Variants in ZNF385A observed in about 807,000 individuals in gnomAD.
ZNF385A encodes zinc finger protein 385A, also known as hematopoietic zinc finger protein.
In ZNF385A, 14 loss-of-function variants were observed where a neutral mutation model predicts 32.1. That is an observed-to-expected ratio of 0.44 (90% CI 0.29 to 0.68). ZNF385A has a LOEUF of 0.68. Among genes scored for constraint, ZNF385A ranks in the 30% least tolerant of loss-of-function variants. The pLI, the probability that ZNF385A is intolerant of heterozygous loss-of-function variation, is 0.14. For synonymous variants in ZNF385A, 197 were observed against 202.7 expected (o/e 0.97, Z 0.24); for missense variants, 406 against 478.4 (o/e 0.85, Z 1.41).
chr12:54,372,189 TAGAAACATCAGAACCGGAGAGGGA>T (rs541160401), intron 3 of ZNF385A, among the ~76,000 whole-genome samples: 13 of 152,198 alleles, frequency 8.5e-5, no homozygotes, highest in African/African-American at 3.1e-4. Flanking sequence ...AAAAGGGAAA[TAGAAACATCAGAACCGGAGAGGGA>T]AGAAACAGGG....
chr12:54,370,416 A>C lies in ZNF385A; in HGVS notation c.941T>G (p.Val314Gly). The part of the protein sequence containing the change: ...AGGLLPSPLA[V>G]AAVMAAAAGS... ...TGCTGCCGCTGCCATCACTGCAGCC[A>C]CCGCCAGGGGGCTGGGGAGCAGGCC... The change falls in exon 7 of 7, where the codon GTG becomes GGG. Residue 314 changes from valine to glycine, a missense_variant. Physicochemically the swap from Val to Gly is moderately radical, Grantham distance 109. Coordinates refer to ENST00000394313, the MANE Select transcript of ZNF385A (RefSeq NM_015481.3). This position sits in a 1 kb window ranked among gnomAD's most constrained non-coding sequence, Gnocchi z 5.5. 3 of 1,545,060 alleles carry C rather than the reference A, an allele frequency of 1.9e-6. No individual in the cohort carries two copies. The highest frequency in any genetic ancestry group is 2.6e-6 in the Non-Finnish European group (3 of 1,143,604).
chr12:54,374,675 G>A (rs1010732091), intron 2 of ZNF385A, among the ~76,000 whole-genome samples: 2 of 152,090 alleles, frequency 1.3e-5, no homozygotes, highest in Admixed American at 6.5e-5. Flanking sequence ...CCCTGGCCCC[G>A]AGCCCAGCTC....
intron 3 of ZNF385A, 84 bp downstream of exon 3, chr12:54,373,889 G>C: frequency 7.3e-7 from 1 of 1,364,822 alleles, no homozygotes; most frequent in Non-Finnish European, 9.7e-7. Flanking sequence ...AGAGAGAGAT[G>C]GAAGCAGAGG....
At chr12:54,378,442 C>G (rs756183629) in intron 1 of ZNF385A, among the ~76,000 whole-genome samples, 1 of 152,128 alleles carries the variant, frequency 6.6e-6, no homozygotes, top group African/African-American at 2.4e-5. Context: ...GAAGGGGAAC[C>G]GCTCCCTGAC....
In ZNF385A at chr12:54,383,613, G is replaced by T. The variant is rs532265425; in HGVS notation, c.87+815C>A. On this transcript the variant is annotated intron_variant, in intron 1 of 6. Transcript: ENST00000394313. ...CTCCTGCTCAAGAATAGACAGTGGC[G>T]GCTGGGTGTGGTGGCTCATGCCTGT... 5.3e-5 allele frequency among the ~76,000 whole-genome samples: 8 copies of T among 152,322 alleles called. No homozygotes were observed. In the East Asian group the frequency reaches 1.5e-3, roughly 29 times the overall value.
chr12:54,382,851 T>A (rs1219697957), intron 1 of ZNF385A, among the ~76,000 whole-genome samples: 1 of 151,566 alleles, frequency 6.6e-6, no homozygotes, highest in African/African-American at 2.4e-5. Context: ...TTAAAAAAAA[T>A]ATTTATTATT....
upstream of ZNF385A, among the ~76,000 whole-genome samples, chr12:54,388,767 T>A (rs1264765974): frequency 1.3e-5 from 2 of 151,360 alleles, no homozygotes; most frequent in Non-Finnish European, 3.0e-5. Context: ...CTTTCCTCCC[T>A]CCCCAGAAGT....
chr12:54,371,111 G>A lies in ZNF385A; in HGVS notation c.605-15C>T, dbSNP rs751558475. 3.2e-5 allele frequency: 50 copies of A among 1,577,744 alleles called. No homozygotes were observed. Among genetic ancestry groups the A allele is most frequent in the Non-Finnish European group, 2.3e-5 (27 of 1,165,112 alleles). ...GTGCTTAGTACCTGGAGCCCAGAGA[G>A]GGCAGGAGGTAAGGGGTGGAAGAAA... On this transcript the variant is annotated splice_polypyrimidine_tract_variant and intron_variant, in intron 4 of 6. Transcript: ENST00000394313.
At chr12:54,375,728 C>A in intron 2 of ZNF385A, 116 bp downstream of exon 2, 1 of 863,504 alleles carries the variant, frequency 1.2e-6, no homozygotes. Flanking sequence ...CCTAATATCC[C>A]CTTAATCCCT....
upstream of ZNF385A, chr12:54,384,920 C>T: frequency 3.8e-6 from 4 of 1,040,130 alleles, no homozygotes; most frequent in Non-Finnish European, 4.6e-6. Context: ...TGGCCACCCT[C>T]TTCTTCTGGT....
At chr12:54,385,019 G>T (rs1955398172), upstream of ZNF385A, 1 of 494,512 alleles carries the variant, frequency 2.0e-6, no homozygotes, top group Non-Finnish European at 2.6e-6. Flanking sequence ...ACCAGAGGGG[G>T]ATATTGAGAC....
chr12:54,370,836 T>C lies in ZNF385A; in HGVS notation c.774+91A>G. On this transcript the variant is annotated intron_variant, in intron 5 of 6. Coordinates refer to ENST00000394313, the MANE Select transcript of ZNF385A (RefSeq NM_015481.3). This position sits in a 1 kb window ranked among gnomAD's most constrained non-coding sequence, Gnocchi z 5.5. The stretch of plus-strand genomic sequence containing the variant: ...CCATCTGGCCCCCTGGGGAAAACTC[T>C]GAAGAAGGGCCTTTACTCAAGCTCC... 1 of 1,604,130 alleles carries C rather than the reference T, an allele frequency of 6.2e-7. No homozygotes were observed. Among genetic ancestry groups the C allele is most frequent in the South Asian group, 1.1e-5 (1 of 90,728 alleles).
At position 54,370,463 on chromosome 12, in the gene ZNF385A, C is replaced by G. The variant is rs1565609665; in HGVS notation, c.894G>C (p.Glu298Asp). Residue 298 changes from glutamate to aspartate, a missense_variant, in exon 7 of 7, where the codon GAG becomes GAC. Physicochemically the swap from Glu to Asp is conservative, Grantham distance 45. Transcript: ENST00000394313. The surrounding 1 kb of genome is among the most constrained non-coding windows in gnomAD (Gnocchi z 5.5). Reference protein sequence around the residue: ...ELAGTLTFSKELPKSLAGGLL... With the variant: ...ELAGTLTFSKDLPKSLAGGLL... ...GGCCGCCCGCCAGGGACTTGGGCAGCTCCTTGGAGAAAGTCAGCGTGCCCT... is the reference window on the plus strand; with the variant it reads ...GGCCGCCCGCCAGGGACTTGGGCAGGTCCTTGGAGAAAGTCAGCGTGCCCT... 1 of 1,551,228 alleles carries G rather than the reference C, an allele frequency of 6.4e-7. No homozygotes were observed. The highest frequency in any genetic ancestry group is 8.7e-7 in the Non-Finnish European group (1 of 1,146,784).
In ZNF385A at chr12:54,374,024, C is replaced by A; in HGVS notation, c.310G>T (p.Ala104Ser). ...TTTGTTGGGGTGCTGCCTGGGGGAG[C>A]TGGGTCTCCAGGTTCTCGGACGCCA... is the stretch of plus-strand genomic sequence containing the variant. Reference protein sequence around the residue: ...EPGVREPGDPAPPGSTPTNGD... With the variant: ...EPGVREPGDPSPPGSTPTNGD... Residue 104 changes from alanine to serine, a missense_variant, in exon 3 of 7, where the codon GCT becomes TCT. Physicochemically the swap from Ala to Ser is moderately conservative, Grantham distance 99 (BLOSUM62 1). Transcript: ENST00000394313. The A allele has an allele frequency of 6.3e-7, 1 of 1,596,142 alleles. No homozygotes were observed.
intron 1 of ZNF385A, among the ~76,000 whole-genome samples, chr12:54,390,624 T>C (rs1955611114): frequency 6.6e-6 from 1 of 150,728 alleles, no homozygotes; most frequent in Non-Finnish European, 1.5e-5. Context: ...GGATGGACAG[T>C]TTCCCACCCC....
chr12:54,382,290 G>C (rs950874566), intron 1 of ZNF385A, among the ~76,000 whole-genome samples: 1 of 151,676 alleles, frequency 6.6e-6, no homozygotes, highest in Non-Finnish European at 1.5e-5. Context: ...TAGCCAGGAT[G>C]GTCTCAATCT....
At chr12:54,376,997 A>T (rs1193403786) in intron 1 of ZNF385A, among the ~76,000 whole-genome samples, 1 of 152,210 alleles carries the variant, frequency 6.6e-6, no homozygotes, top group Non-Finnish European at 1.5e-5. Flanking sequence ...GGGTGGAGGG[A>T]TCAAGTGAAA....
At position 54,370,312 on chromosome 12, in the gene ZNF385A, G is replaced by T. The variant is rs1212122655; in HGVS notation, c.1045C>A (p.Pro349Thr). The T allele has an allele frequency of 1.3e-6, 2 of 1,491,710 alleles. No individual in the cohort carries two copies. Among genetic ancestry groups the T allele is most frequent in the Non-Finnish European group, 1.8e-6 (2 of 1,120,172 alleles). The allele number at this position is 1,491,710 out of a possible 1,614,324, so 92.4% of individuals were successfully genotyped here. A position where few individuals can be genotyped will look rare whatever the true frequency, so the allele number is the denominator to read the frequency against. ...GCAGTTCGGATGGGTCCGGGGGCCG[G>T]GTGAAGCAGAGGGTGAGTGATCGGC... ...GPPITHPLLHPAPGPIRTAHG... is the reference protein window; with the variant it reads ...GPPITHPLLHTAPGPIRTAHG... The change falls in exon 7 of 7, where the codon CCG becomes ACG. Residue 349 changes from proline (P) to threonine (T), a missense_variant. Transcript: ENST00000394313. This position sits in a 1 kb window ranked among gnomAD's most constrained non-coding sequence, Gnocchi z 5.5.
rs1311844476 is a variant in ZNF385A, at chr12:54,369,675, T to G, written c.*581A>C. The G allele has an allele frequency of 6.5e-6, 1 of 152,908 alleles. No homozygotes were observed. Among genetic ancestry groups the G allele is most frequent in the South Asian group, 2.1e-4 (1 of 4,846 alleles). The allele number at this position is 152,908 out of a possible 1,614,324, so 9.5% of individuals were successfully genotyped here. On this transcript the variant is annotated 3_prime_UTR_variant, in exon 7 of 7. Coordinates refer to ENST00000394313, the MANE Select transcript of ZNF385A (RefSeq NM_015481.3). ...GGAGATGCCCCCAAGTGCTGCCCCCTGCAATGGGCCCGGCTAGACCTGGGG... is the reference window on the plus strand; with the variant it reads ...GGAGATGCCCCCAAGTGCTGCCCCCGGCAATGGGCCCGGCTAGACCTGGGG...
Sources: gnomAD v4.1 joint callset for allele counts (sites outside exome capture counted in the v4.1 genomes callset) on GRCh38, gnomAD v4.1.1 for gene constraint, Gnocchi (gnomAD v3.1) non-coding constraint, MANE v1.5 for transcripts, NCBI Gene and HGNC (gene_info 2026-07-23, HGNC 2026-07-21) for gene names.